The following WNT3 variants were observed in gnomAD, a reference collection of about 807,000 sequenced individuals.
The protein encoded by WNT3 is proto-oncogene Wnt-3.
In WNT3, 7 loss-of-function variants were observed where a neutral mutation model predicts 34.2. The ratio of observed to expected loss-of-function variants is 0.20; its 90% CI spans 0.12 to 0.38. The LOEUF (loss-of-function observed/expected upper bound fraction) is 0.38. Ranked by LOEUF, WNT3 falls within the 10% of genes least tolerant of loss-of-function variation. The pLI, the probability that WNT3 is intolerant of heterozygous loss-of-function variation, is 1.00. For missense variants in WNT3, 267 were observed against 499.8 expected, an observed-to-expected ratio of 0.53 and a Z score of 4.44; for synonymous variants, 212 against 211.5, an observed-to-expected ratio of 1.00 and a Z score of -0.02.
At chr17:46,811,854 G>A (rs2084280736) in intron 1 of WNT3, among the ~76,000 whole-genome samples, 1 of 152,220 alleles carries the variant, frequency 6.6e-6, no homozygotes, top group Non-Finnish European at 1.5e-5. Flanking sequence ...CTACTCGGGA[G>A]GCTGAGGCAG....
rs527367632 is a variant in WNT3 at position 46,763,993 on chromosome 17, C to T, written c.*637G>A. On this transcript the variant is annotated 3_prime_UTR_variant, in exon 5 of 5. Transcript: ENST00000225512. ...ACATGGCTGCTCTTCAAACGGCTGA[C>T]CAGGCCACCCTGAGCTGCCAGTTCT... is the stretch of plus-strand genomic sequence containing the variant. The T allele has an allele frequency of 1.7e-4, 26 of 152,314 alleles. No homozygotes were observed. The highest frequency in any genetic ancestry group is 6.0e-4 in the African/African-American group (25 of 41,550). The allele number at this position is 152,314 out of a possible 1,614,324, so 9.4% of individuals were successfully genotyped here.
At chr17:46,789,371 T>G (rs769128906) in intron 1 of WNT3, among the ~76,000 whole-genome samples, 9 of 152,274 alleles carry the variant, frequency 5.9e-5, no homozygotes, top group Non-Finnish European at 1.2e-4. Flanking sequence ...GGCAGATCAC[T>G]TGGGGTGGTT....
In WNT3 at chr17:46,779,101, A is replaced by ACCC. The variant is rs1226625742; in HGVS notation, c.81-5193_81-5192insGGG. ...CACACACACACACACACACACACACACACCCCAGCCCACTCGGCCTTCCAA... is the reference window on the plus strand; with the variant it reads ...CACACACACACACACACACACACACACCCCACCCCAGCCCACTCGGCCTTCCAA... On this transcript the variant is annotated intron_variant, in intron 1 of 4. Transcript: ENST00000225512. Among the ~76,000 whole-genome samples the ACCC allele has an allele frequency of 2.9e-4, 41 of 140,064 alleles. No individual in the cohort carries two copies. The East Asian group carries it at 5.8e-3, about 20-fold the overall frequency. 91.9% of individuals were successfully genotyped at this position (140,064 alleles called of 152,430 possible).
chr17:46,806,207 C>CTTT (rs10549860), intron 1 of WNT3, among the ~76,000 whole-genome samples: 2 of 75,652 alleles, frequency 2.6e-5, no homozygotes, highest in African/African-American at 1.0e-4. Flanking sequence ...TTTTCTTTTC[C>CTTT]TTTTTTTTTT....
chr17:46,793,988 T>C (rs916650544), intron 1 of WNT3, among the ~76,000 whole-genome samples: 1 of 152,212 alleles, frequency 6.6e-6, no homozygotes, highest in African/African-American at 2.4e-5. Context: ...ACCTGCTATG[T>C]GTTCTTCACT....
At chr17:46,784,033 T>A (rs375016164) in intron 1 of WNT3, among the ~76,000 whole-genome samples, 1 of 152,128 alleles carries the variant, frequency 6.6e-6, no homozygotes, top group African/African-American at 2.4e-5. Context: ...CATTGCAACC[T>A]CCCAGGGCTC....
At chr17:46,774,576 AAAC>A (rs2059399888) in intron 1 of WNT3, among the ~76,000 whole-genome samples, 1 of 152,194 alleles carries the variant, frequency 6.6e-6, no homozygotes, top group African/African-American at 2.4e-5. Flanking sequence ...CTTTGTGTCA[AAAC>A]AAGTTTAGCA....
intron 3 of WNT3, among the ~76,000 whole-genome samples, chr17:46,769,448 G>A (rs983144637): frequency 6.6e-6 from 1 of 152,214 alleles, no homozygotes; most frequent in Non-Finnish European, 1.5e-5. Flanking sequence ...GGGAGTGGAG[G>A]CTGAATTCAA....
chr17:46,791,191 C>G lies in WNT3; in HGVS notation c.81-17282G>C, dbSNP rs543467315. 5.9e-5 allele frequency among the ~76,000 whole-genome samples: 9 copies of G among 152,150 alleles called. No homozygotes were observed. In the South Asian group the frequency reaches 1.7e-3, roughly 28 times the overall value. ...TCTTGCCTGCAGCTACATTTCCCCC[C>G]AACCCAGGACTTCGCTTTCCTTACT... On this transcript the variant is annotated intron_variant, in intron 1 of 4. Transcript: ENST00000225512.
At chr17:46,808,035 G>C (rs188924147) in intron 1 of WNT3, among the ~76,000 whole-genome samples, 6 of 152,226 alleles carry the variant, frequency 3.9e-5, no homozygotes, top group Admixed American at 3.9e-4. Context: ...TTTCTAGCAC[G>C]TATATGATGG....
chr17:46,784,043 C>T, intron 1 of WNT3, among the ~76,000 whole-genome samples: 1 of 152,082 alleles, frequency 6.6e-6, no homozygotes, highest in Non-Finnish European at 1.5e-5. Context: ...TCCCAGGGCT[C>T]AGCTCTCATT....
chr17:46,788,734 G>GTCCTGCGAGGACCT (rs2083939377), intron 1 of WNT3, among the ~76,000 whole-genome samples: 1 of 152,024 alleles, frequency 6.6e-6, no homozygotes, highest in African/African-American at 2.4e-5. Flanking sequence ...AGGTGCAGTG[G>GTCCTGCGAGGACCT]CCCTGCGAGG....
At chr17:46,801,955 G>C (rs2146444519) in intron 1 of WNT3, among the ~76,000 whole-genome samples, 1 of 152,282 alleles carries the variant, frequency 6.6e-6, no homozygotes, top group African/African-American at 2.4e-5. Flanking sequence ...CATCTACCAT[G>C]TGCCCAGTAT....
chr17:46,775,803 C>T (rs936957281), intron 1 of WNT3, among the ~76,000 whole-genome samples: 3 of 151,300 alleles, frequency 2.0e-5, no homozygotes, highest in African/African-American at 4.9e-5. Context: ...TTAGTAGAGA[C>T]GGGGTTTCAC....
At position 46,773,684 on chromosome 17, in the gene WNT3, C is replaced by T; in HGVS notation, c.306G>A (p.Gly102=). 7.4e-7 allele frequency: 1 copy of T among 1,343,102 alleles called. No homozygotes were observed. Among genetic ancestry groups the T allele is most frequent in the Admixed American group, 2.0e-5 (1 of 48,808 alleles). 83.2% of individuals were successfully genotyped at this position (1,343,102 alleles called of 1,614,324 possible). A position where few individuals can be genotyped will look rare whatever the true frequency, so the allele number is the denominator to read the frequency against. Residue 102 remains glycine (G), a synonymous_variant, in exon 2 of 5, where the codon GGG becomes GGA. Coordinates refer to ENST00000225512, the MANE Select transcript of WNT3 (RefSeq NM_030753.5). The stretch of plus-strand genomic sequence containing the variant: ...AGGCAGTACCTTTGTCGAGGACGGG[C>T]CCAAAGATGGCCAGGCTGTCATCTA... ...TTIDDSLAIF[G]PVLDKATRES... is the part of the protein sequence containing the mutation.
At chr17:46,772,400 G>A (rs928614392) in intron 2 of WNT3, among the ~76,000 whole-genome samples, 3 of 152,220 alleles carry the variant, frequency 2.0e-5, no homozygotes, top group African/African-American at 4.8e-5. Context: ...GGCCGGAGAC[G>A]GGAAGAGCGA....
At chr17:46,804,211 C>T (rs1330732785) in intron 1 of WNT3, among the ~76,000 whole-genome samples, 3 of 152,052 alleles carry the variant, frequency 2.0e-5, no homozygotes, top group Non-Finnish European at 2.9e-5. Flanking sequence ...CCTCAGCCTC[C>T]CCAGCAGCTG....
intron 4 of WNT3, among the ~76,000 whole-genome samples, chr17:46,767,494 C>T (rs1405233397): frequency 1.3e-5 from 2 of 152,160 alleles, no homozygotes; most frequent in Non-Finnish European, 2.9e-5. Context: ...GTAGAGGAGA[C>T]ATTTTGGCTC....
At chr17:46,793,750 C>T (rs1445409688) in intron 1 of WNT3, among the ~76,000 whole-genome samples, 5 of 152,214 alleles carry the variant, frequency 3.3e-5, no homozygotes, top group Admixed American at 3.3e-4. Context: ...ACGTTCCCAG[C>T]ACCTTCCAAC....
Sources: gnomAD v4.1 joint callset for allele counts (sites outside exome capture counted in the v4.1 genomes callset) on GRCh38, gnomAD v4.1.1 for gene constraint, MANE v1.5 for transcripts, NCBI Gene and HGNC (gene_info 2026-07-23, HGNC 2026-07-21) for gene names.